HIVEP2: variants seen among roughly 807,000 people sequenced by gnomAD.
The protein encoded by HIVEP2 is transcription factor HIVEP2.
In HIVEP2, 14 loss-of-function variants were observed where a neutral mutation model predicts 180.7. The observed-to-expected ratio is 0.08, with a 90% CI of 0.05 to 0.12. The LOEUF is 0.12. HIVEP2 is among the 10% of genes least tolerant of loss of function. The pLI is 1.00. For missense variants in HIVEP2, 2,579 were observed against 3,008.5 expected (o/e 0.86, Z 3.34); for synonymous variants, 1,184 against 1,136.4 (o/e 1.04, Z -0.84).
Position 142,773,946 on chromosome 6 carries a change from T to G in HIVEP2, c.793A>C (p.Ile265Leu). The G allele has an allele frequency of 6.2e-7, 1 of 1,614,168 alleles. No homozygotes were observed. Residue 265 changes from isoleucine (I) to leucine (L), a missense_variant, in exon 5 of 10, where the codon ATT becomes CTT. Transcript: ENST00000367603. ...VSKLDLEAGF[I>L]DVEAEIHSDG... Reference sequence around the variant, plus strand: ...GAATGTATTTCTGCTTCTACATCAATAAAACCAGCCTCTAGGTCCAATTTA... The same window carrying G: ...GAATGTATTTCTGCTTCTACATCAAGAAAACCAGCCTCTAGGTCCAATTTA...
At chr6:142,900,272 G>A (rs912167012) in intron 1 of HIVEP2, among the ~76,000 whole-genome samples, 1 of 152,140 alleles carries the variant, frequency 6.6e-6, no homozygotes, top group African/African-American at 2.4e-5. Flanking sequence ...AAGGACTGGG[G>A]AAATTGACAA....
At chr6:142,806,654 G>A (rs1428489327) in intron 2 of HIVEP2, among the ~76,000 whole-genome samples, 1 of 152,122 alleles carries the variant, frequency 6.6e-6, no homozygotes, top group Non-Finnish European at 1.5e-5. Flanking sequence ...TAGGCTTTGA[G>A]CAGGAGCTCA....
At chr6:142,840,091 G>A (rs542128096) in intron 1 of HIVEP2, among the ~76,000 whole-genome samples, 19 of 152,082 alleles carry the variant, frequency 1.2e-4, no homozygotes, top group South Asian at 2.1e-4. Flanking sequence ...CAAATACCAC[G>A]GTCTCCAGAG....
At chr6:142,795,620 T>A (rs1442188208) in intron 2 of HIVEP2, among the ~76,000 whole-genome samples, 1 of 152,220 alleles carries the variant, frequency 6.6e-6, no homozygotes, top group Non-Finnish European at 1.5e-5. Flanking sequence ...AATAAATATT[T>A]ATAGATTATA....
intron 1 of HIVEP2, among the ~76,000 whole-genome samples, chr6:142,845,054 G>T (rs776485392): frequency 2.6e-5 from 4 of 152,106 alleles, no homozygotes; most frequent in South Asian, 2.1e-4. Context: ...GAAAAGAGCT[G>T]GTAAGATTTT....
chr6:142,870,910 C>A (rs1562272957), intron 1 of HIVEP2, among the ~76,000 whole-genome samples: 1 of 152,072 alleles, frequency 6.6e-6, no homozygotes. Context: ...GTAAAGTGAG[C>A]CTCACAGTGT....
chr6:142,907,588 T>C (rs1777298632), intron 1 of HIVEP2, among the ~76,000 whole-genome samples: 1 of 152,208 alleles, frequency 6.6e-6, no homozygotes, highest in Non-Finnish European at 1.5e-5. Context: ...TGAGCCCCAC[T>C]ACTTTGCCTC....
chr6:142,875,490 G>T lies in HIVEP2; in HGVS notation c.-640-38443C>A, dbSNP rs190011683. Among the ~76,000 whole-genome samples the T allele has an allele frequency of 7.9e-5, 12 of 152,306 alleles. No homozygotes were observed. In the East Asian group the frequency reaches 2.3e-3, roughly 29 times the overall value. ...ATTTATATTTAATAGGCTACTCTGG[G>T]GAGTGTGGAGGCAGGGAAGCCTAGT... On this transcript the variant is annotated intron_variant, in intron 1 of 9. Coordinates refer to ENST00000367603, the MANE Select transcript of HIVEP2 (RefSeq NM_006734.4).
intron 1 of HIVEP2, among the ~76,000 whole-genome samples, chr6:142,845,946 G>C (rs1258463796): frequency 6.6e-6 from 1 of 152,352 alleles, no homozygotes; most frequent in East Asian, 1.9e-4. Context: ...ACAAAGGCAG[G>C]CTCCCCCTGC....
chr6:142,828,016 A>ATTCTATATT (rs1192645800), intron 2 of HIVEP2, among the ~76,000 whole-genome samples: 1 of 152,190 alleles, frequency 6.6e-6, no homozygotes, highest in Non-Finnish European at 1.5e-5. Flanking sequence ...ATATTTCTAT[A>ATTCTATATT]CTGAAACCTC....
chr6:142,778,729 TG>T (rs1480056260), intron 3 of HIVEP2, among the ~76,000 whole-genome samples: 1 of 152,172 alleles, frequency 6.6e-6, no homozygotes, highest in Non-Finnish European at 1.5e-5. Context: ...TTAGAGAGGT[TG>T]GGTTTCAGAA....
At chr6:142,879,650 C>T (rs189105251) in intron 1 of HIVEP2, among the ~76,000 whole-genome samples, 29 of 152,100 alleles carry the variant, frequency 1.9e-4, no homozygotes, top group Admixed American at 1.7e-3. Flanking sequence ...GACTTTGGGT[C>T]CCTGATTCTC....
At chr6:142,777,593 A>G (rs972450144) in intron 3 of HIVEP2, among the ~76,000 whole-genome samples, 1 of 135,972 alleles carries the variant, frequency 7.4e-6, no homozygotes, top group African/African-American at 2.8e-5. Flanking sequence ...GGTTGCAGTG[A>G]GCCAAGATCG....
chr6:142,882,284 TTCAATACCGATAAC>T (rs1474709065), intron 1 of HIVEP2, among the ~76,000 whole-genome samples: 8 of 152,140 alleles, frequency 5.3e-5, no homozygotes, highest in Non-Finnish European at 1.2e-4. Context: ...TAAAGAGTCC[TTCAATACCGATAAC>T]TCACTGATTA....
In HIVEP2 at chr6:142,769,401, C is replaced by T. The variant is rs923478248; in HGVS notation, c.5187+151G>A. The stretch of plus-strand genomic sequence containing the variant: ...CAAGTGCAGTCAGTGGCTTCTTCCA[C>T]TCCTGAGTAAGGCCAGACTTTCTGA... On this transcript the variant is annotated intron_variant, in intron 5 of 9. Coordinates refer to ENST00000367603, the MANE Select transcript of HIVEP2 (RefSeq NM_006734.4). 4 of 656,374 alleles carry T rather than the reference C, an allele frequency of 6.1e-6. No individual in the cohort carries two copies. The Admixed American group carries it at 1.2e-4, about 20-fold the overall frequency. The allele number at this position is 656,374 out of a possible 1,614,324, so 40.7% of individuals were successfully genotyped here.
At chr6:142,889,956 G>A (rs761987008) in intron 1 of HIVEP2, among the ~76,000 whole-genome samples, 34 of 152,246 alleles carry the variant, frequency 2.2e-4, no homozygotes, top group Admixed American at 5.2e-4. Flanking sequence ...ATGAGTCTGG[G>A]TGGCTACAGC....
chr6:142,814,963 G>T (rs1409266468), intron 2 of HIVEP2, among the ~76,000 whole-genome samples: 1 of 152,038 alleles, frequency 6.6e-6, no homozygotes, highest in Non-Finnish European at 1.5e-5. Context: ...TCATGGTTCT[G>T]GAAACTAGGA....
intron 1 of HIVEP2, among the ~76,000 whole-genome samples, chr6:142,910,751 C>T (rs1777382291): frequency 6.6e-6 from 1 of 152,186 alleles, no homozygotes; most frequent in Admixed American, 6.5e-5. Flanking sequence ...CACTGTTTCT[C>T]AAAGAGTAGT....
rs549093105 is a variant in HIVEP2 at position 142,870,740 on chromosome 6, A to G, written c.-640-33693T>C. 1.4e-4 allele frequency among the ~76,000 whole-genome samples: 22 copies of G among 152,308 alleles called. No homozygotes were observed. The South Asian group carries it at 2.9e-3, about 20-fold the overall frequency. On this transcript the variant is annotated intron_variant, in intron 1 of 9. Transcript: ENST00000367603. ...TCTACCAGCAGAAAAGTGAAGCACAAAAAGATTTAAAACTCACCTGATTTT... is the reference window on the plus strand; with the variant it reads ...TCTACCAGCAGAAAAGTGAAGCACAGAAAGATTTAAAACTCACCTGATTTT...
Sources: allele counts gnomAD v4.1 joint callset (sites outside exome capture counted in the v4.1 genomes callset), GRCh38; gene constraint gnomAD v4.1.1; transcripts MANE v1.5; gene names NCBI Gene and HGNC (gene_info 2026-07-23, HGNC 2026-07-21).